The following KAZN variants were observed in gnomAD, a reference collection of about 807,000 sequenced individuals.
The protein encoded by KAZN is kazrin, periplakin interacting protein.
In KAZN, 40 loss-of-function variants were observed where a neutral mutation model predicts 87.4. The observed-to-expected ratio is 0.46, with a 90% CI of 0.36 to 0.60. The LOEUF (loss-of-function observed/expected upper bound fraction) is 0.60, where lower values mean the gene tolerates loss of function less well. Among genes scored for constraint, KAZN ranks in the 20% least tolerant of loss-of-function variants. The pLI is 0.00. For synonymous variants in KAZN, 466 were observed against 458.3 expected, an observed-to-expected ratio of 1.02 and a Z score of -0.22; for missense variants, 898 against 1,073.9, an observed-to-expected ratio of 0.84 and a Z score of 2.29.
intron 1 of KAZN, among the ~76,000 whole-genome samples, chr1:14,140,595 C>G (rs1018425227): frequency 3.3e-5 from 5 of 152,032 alleles, no homozygotes; most frequent in Admixed American, 1.3e-4. Flanking sequence ...GAAAAAGAGC[C>G]CAATCATTCT....
chr1:13,951,934 T>C (rs1348036236), intron 1 of KAZN, among the ~76,000 whole-genome samples: 2 of 152,176 alleles, frequency 1.3e-5, no homozygotes, highest in East Asian at 3.9e-4. Flanking sequence ...GCTGTGCTAT[T>C]TATTATCAGT....
Position 14,548,287 on chromosome 1 carries a change from C to T in KAZN, c.250-50696C>T, listed in dbSNP as rs942749959. On this transcript the variant is annotated intron_variant, in intron 2 of 16. Coordinates refer to the KAZN transcript ENST00000636203. ...GATCTCGGCTCACTGCAACCACTGC[C>T]TCCTGGGTTCAGGCGATTCTCCTGC... Among the ~76,000 whole-genome samples the T allele has an allele frequency of 4.6e-5, 7 of 151,428 alleles. No homozygotes were observed. The East Asian group carries it at 1.4e-3, about 30-fold the overall frequency.
intron 1 of KAZN, among the ~76,000 whole-genome samples, chr1:14,740,408 T>G (rs1323800180): frequency 6.6e-6 from 1 of 152,170 alleles, no homozygotes; most frequent in African/African-American, 2.4e-5. Context: ...TGATGCTTTT[T>G]CCTTTAGCAC....
intron 1 of KAZN, among the ~76,000 whole-genome samples, chr1:14,811,144 C>A (rs1407722798): frequency 6.6e-6 from 1 of 152,184 alleles, no homozygotes; most frequent in Non-Finnish European, 1.5e-5. Flanking sequence ...ACCGACAGCA[C>A]AATTGTCAGA....
At chr1:14,163,091 G>T (rs1016785287) in intron 1 of KAZN, among the ~76,000 whole-genome samples, 3 of 151,878 alleles carry the variant, frequency 2.0e-5, no homozygotes, top group African/African-American at 4.8e-5. Context: ...ATCTAGATCT[G>T]TTAGCAGCAG....
At chr1:14,883,355 A>AAAGAAAGG (rs1449958306) in intron 1 of KAZN, among the ~76,000 whole-genome samples, 2 of 20,620 alleles carry the variant, frequency 9.7e-5, no homozygotes, top group African/African-American at 3.0e-4. Context: ...AGAAAGAAAG[A>AAAGAAAGG]AAAGAAAGAA....
At chr1:14,643,528 A>G (rs181401768) in intron 1 of KAZN, among the ~76,000 whole-genome samples, 22 of 152,298 alleles carry the variant, frequency 1.4e-4, no homozygotes, top group African/African-American at 4.6e-4. Flanking sequence ...ATAGTATTCC[A>G]TGATGTTTAT....
rs868125784 is a variant in KAZN, at chr1:14,333,890, A to G, written c.249+153298A>G. Among the ~76,000 whole-genome samples, 8 of 152,218 alleles carry G rather than the reference A, an allele frequency of 5.3e-5. 1 individual carries two copies. In the Middle Eastern group the frequency reaches 0.017, roughly 324 times the overall value. Reference sequence around the variant, plus strand: ...GCCACAGAAATGTGGCTGCCCCTGGACACCTCCTGGAGCCCCGTGAGTATG... The same window carrying G: ...GCCACAGAAATGTGGCTGCCCCTGGGCACCTCCTGGAGCCCCGTGAGTATG... On this transcript the variant is annotated intron_variant, in intron 2 of 16. Transcript: ENST00000636203.
chr1:14,599,502 C>G lies in KAZN; in HGVS notation c.226+279C>G, dbSNP rs1384678093. On this transcript the variant is annotated intron_variant, in intron 1 of 14. Coordinates refer to ENST00000376030, the MANE Select transcript of KAZN (RefSeq NM_201628.3). This position sits in a 1 kb window ranked among gnomAD's most constrained non-coding sequence, Gnocchi z 4.4. ...GCAGCCGGCGGGTCCCTTCCGGCATCAGAAAGTGCCCTTTCCGTGGCACCA... is the reference window on the plus strand; with the variant it reads ...GCAGCCGGCGGGTCCCTTCCGGCATGAGAAAGTGCCCTTTCCGTGGCACCA... 1.3e-5 allele frequency among the ~76,000 whole-genome samples: 2 copies of G among 152,170 alleles called. No homozygotes were observed. Among genetic ancestry groups the G allele is most frequent in the African/African-American group, 4.8e-5 (2 of 41,462 alleles).
At chr1:14,686,309 T>G (rs1283345540) in intron 1 of KAZN, among the ~76,000 whole-genome samples, 1 of 152,082 alleles carries the variant, frequency 6.6e-6, no homozygotes, top group African/African-American at 2.4e-5. Context: ...ATGATCCACC[T>G]GCCTCGACCT....
chr1:14,542,086 T>C (rs532066085), intron 2 of KAZN, among the ~76,000 whole-genome samples: 5 of 152,236 alleles, frequency 3.3e-5, no homozygotes, highest in African/African-American at 1.2e-4. Context: ...AGTCTGTGTC[T>C]CAGGGGTATC....
intron 1 of KAZN, among the ~76,000 whole-genome samples, chr1:13,997,636 T>A (rs1383981553): frequency 6.6e-6 from 1 of 151,718 alleles, no homozygotes; most frequent in Non-Finnish European, 1.5e-5. Flanking sequence ...GATGACCACA[T>A]TATTGAAATA....
chr1:14,539,208 T>C (rs1672668836), intron 2 of KAZN, among the ~76,000 whole-genome samples: 1 of 152,188 alleles, frequency 6.6e-6, no homozygotes, highest in South Asian at 2.1e-4. Context: ...GAAAGTGATG[T>C]AGAAGAATTA....
intron 1 of KAZN, among the ~76,000 whole-genome samples, chr1:14,738,843 C>CA (rs1469936760): frequency 2.6e-5 from 4 of 152,016 alleles, no homozygotes; most frequent in Admixed American, 2.6e-4. Flanking sequence ...TGCTGAAGGC[C>CA]ACACAGCAAG....
chr1:14,389,210 G>C (rs1662210896), intron 2 of KAZN, among the ~76,000 whole-genome samples: 1 of 152,140 alleles, frequency 6.6e-6, no homozygotes, highest in South Asian at 2.1e-4. Flanking sequence ...AACAAATGCT[G>C]GTGAGGATGT....
chr1:14,572,054 C>T (rs1674902540), intron 2 of KAZN, among the ~76,000 whole-genome samples: 1 of 152,168 alleles, frequency 6.6e-6, no homozygotes, highest in East Asian at 1.9e-4. Flanking sequence ...CCTGCAGCTT[C>T]GGGGGAGGTA....
chr1:14,310,041 C>T (rs1655179459), intron 2 of KAZN, among the ~76,000 whole-genome samples: 2 of 152,046 alleles, frequency 1.3e-5, no homozygotes, highest in Non-Finnish European at 1.5e-5. Flanking sequence ...TCAGGACTTG[C>T]CAATGGCATT....
intron 2 of KAZN, chr1:14,350,807 A>G (rs1161082922): frequency 2.0e-5 from 3 of 152,374 alleles, no homozygotes; most frequent in African/African-American, 4.8e-5. Context: ...TGGCCCAGCA[A>G]TCCACACATA....
At chr1:14,516,256 TCTCTGCCCTC>T (rs1671292965) in intron 2 of KAZN, among the ~76,000 whole-genome samples, 1 of 152,210 alleles carries the variant, frequency 6.6e-6, no homozygotes, top group Non-Finnish European at 1.5e-5. Flanking sequence ...TCTCATGATC[TCTCTGCCCTC>T]CTTTTCTCTG....
Sources: gnomAD v4.1 joint callset for allele counts (sites outside exome capture counted in the v4.1 genomes callset) on GRCh38, gnomAD v4.1.1 for gene constraint, Gnocchi (gnomAD v3.1) non-coding constraint, MANE v1.5 for transcripts, NCBI Gene and HGNC (gene_info 2026-07-23, HGNC 2026-07-21) for gene names.